Variants in FGD4 observed in about 807,000 individuals in gnomAD.
The protein encoded by FGD4 is FYVE, RhoGEF and PH domain-containing protein 4.
In FGD4, 42 loss-of-function variants were observed where a neutral mutation model predicts 102.0. The observed-to-expected ratio is 0.41, with a 90% confidence interval of 0.32 to 0.53. The LOEUF is 0.53. Ranked by LOEUF, FGD4 falls within the 20% of genes least tolerant of loss-of-function variation. FGD4 has a pLI of 0.21. For missense variants in FGD4, 902 were observed against 1,078.2 expected (o/e 0.84, Z 2.29); for synonymous variants, 380 against 375.7 (o/e 1.01, Z -0.13).
intron 1 of FGD4, among the ~76,000 whole-genome samples, chr12:32,537,141 CTCATTA>C (rs970540215): frequency 6.6e-6 from 1 of 152,134 alleles, no homozygotes; most frequent in Non-Finnish European, 1.5e-5. Context: ...ATCTCCTGAT[CTCATTA>C]TCCGCCCACC....
intron 1 of FGD4, among the ~76,000 whole-genome samples, chr12:32,537,477 A>G (rs1241734980): frequency 6.6e-6 from 1 of 152,124 alleles, no homozygotes; most frequent in Non-Finnish European, 1.5e-5. Flanking sequence ...AGGGCAGATA[A>G]TTGCCACTTC....
At chr12:32,411,711 A>T (rs1941219093) in intron 1 of FGD4, among the ~76,000 whole-genome samples, 1 of 152,166 alleles carries the variant, frequency 6.6e-6, no homozygotes, top group Non-Finnish European at 1.5e-5. Flanking sequence ...GCAGTGGCTT[A>T]CGCCTGTAAT....
chr12:32,431,405 A>G (rs921256188), intron 1 of FGD4, among the ~76,000 whole-genome samples: 2 of 152,108 alleles, frequency 1.3e-5, no homozygotes, highest in African/African-American at 4.8e-5. Context: ...TGTAATTTAT[A>G]CTTTTTTTCG....
intron 1 of FGD4, among the ~76,000 whole-genome samples, chr12:32,561,789 G>C (rs140863485): frequency 1.8e-3 from 270 of 152,264 alleles, no homozygotes; most frequent in Non-Finnish European, 3.1e-3. Context: ...ATACCAGAAA[G>C]TGAACAAACA....
At chr12:32,442,401 G>C (rs1489078003) in intron 1 of FGD4, among the ~76,000 whole-genome samples, 2 of 152,022 alleles carry the variant, frequency 1.3e-5, no homozygotes, top group Admixed American at 1.3e-4. Context: ...GTGATATGAA[G>C]TTAAAACCAG....
chr12:32,472,356 G>A (rs991795363), intron 1 of FGD4, among the ~76,000 whole-genome samples: 1 of 152,226 alleles, frequency 6.6e-6, no homozygotes, highest in Non-Finnish European at 1.5e-5. Flanking sequence ...TTCCGGGTGG[G>A]CGTGGGCTTG....
chr12:32,582,359 G>T lies in FGD4; in HGVS notation c.903G>T (p.Val301=). The change falls in exon 4 of 17, where the codon GTG becomes GTT. Residue 301 remains valine, a synonymous_variant. Coordinates refer to ENST00000534526, the MANE Select transcript of FGD4 (RefSeq NM_001370298.3). The part of the protein sequence containing the change: ...SSYRTPGIGP[V]LPLEERGAET... ...ACAGGACTCCAGGCATAGGCCCAGT[G>T]CTCCCCCTAGAAGAAAGAGGGGCAG... 1 of 1,614,164 alleles carries T rather than the reference G, an allele frequency of 6.2e-7. No individual in the cohort carries two copies. The highest frequency in any genetic ancestry group is 1.3e-5 in the African/African-American group (1 of 75,048).
At chr12:32,542,715 C>A (rs1942936806) in intron 1 of FGD4, among the ~76,000 whole-genome samples, 1 of 152,178 alleles carries the variant, frequency 6.6e-6, no homozygotes, top group Admixed American at 6.5e-5. Flanking sequence ...TTATTTCTTT[C>A]ACACTTTATG....
At chr12:32,596,177 T>C (rs1947876004) in intron 4 of FGD4, among the ~76,000 whole-genome samples, 1 of 152,202 alleles carries the variant, frequency 6.6e-6, no homozygotes, top group African/African-American at 2.4e-5. Context: ...AAGTTTTCAA[T>C]ACAAAGATTT....
At chr12:32,487,711 G>A (rs1943953088) in intron 1 of FGD4, among the ~76,000 whole-genome samples, 1 of 152,208 alleles carries the variant, frequency 6.6e-6, no homozygotes, top group Admixed American at 6.5e-5. Flanking sequence ...ACAGGCGTGA[G>A]CCACCATGCC....
intron 2 of FGD4, among the ~76,000 whole-genome samples, chr12:32,565,900 A>G (rs1250750145): frequency 6.6e-6 from 1 of 152,206 alleles, no homozygotes; most frequent in Non-Finnish European, 1.5e-5. Flanking sequence ...CTTTTTCAAA[A>G]TACTTTCAGG....
intron 1 of FGD4, among the ~76,000 whole-genome samples, chr12:32,401,174 A>T (rs1940646621): frequency 1.3e-5 from 2 of 152,174 alleles, no homozygotes; most frequent in Admixed American, 6.5e-5. Context: ...TTTGGATCGA[A>T]GGTATTTATT....
At chr12:32,496,512 C>T (rs1937828164) in intron 1 of FGD4, among the ~76,000 whole-genome samples, 1 of 152,114 alleles carries the variant, frequency 6.6e-6, no homozygotes, top group Non-Finnish European at 1.5e-5. Context: ...AAAGGGGTAG[C>T]ATATGCTTTT....
chr12:32,474,790 A>C (rs1943544601), intron 1 of FGD4, among the ~76,000 whole-genome samples: 1 of 152,148 alleles, frequency 6.6e-6, no homozygotes, highest in Non-Finnish European at 1.5e-5. Flanking sequence ...CTGTAGTCCC[A>C]GCTACTCGGA....
In FGD4 at chr12:32,576,373, C is replaced by T; in HGVS notation, c.427C>T (p.Pro143Ser). ...AAAACCAAGGATGGAGGAAATTAAA[C>T]CTGCCTCTGCTTCTTGTGTCTCAAA... ...SAKPRMEEIK[P>S]ASASCVSKEK... The change falls in exon 3 of 17, where the codon CCT becomes TCT. Residue 143 changes from proline to serine, a missense_variant. Pro to Ser is a moderately conservative substitution (Grantham distance 74, BLOSUM62 -1). Coordinates refer to ENST00000534526, the MANE Select transcript of FGD4 (RefSeq NM_001370298.3). The T allele has an allele frequency of 6.2e-7, 1 of 1,614,124 alleles. No homozygotes were observed. The highest frequency in any genetic ancestry group is 1.1e-5 in the South Asian group (1 of 91,080).
At chr12:32,534,346 GCAGATCCTGTGTAATCTT>G (rs957391172) in intron 1 of FGD4, 63 of 1,438,794 alleles carry the variant, frequency 4.4e-5, no homozygotes, top group Non-Finnish European at 5.5e-5. Context: ...TGAGCTCCTG[GCAGATCCTGTGTAATCTT>G]CAGCCTCCCT....
intron 1 of FGD4, among the ~76,000 whole-genome samples, chr12:32,467,990 T>G (rs1320705805): frequency 6.6e-6 from 1 of 152,162 alleles, no homozygotes; most frequent in Non-Finnish European, 1.5e-5. Flanking sequence ...CACTCCAGGC[T>G]GGGCAACAGA....
intron 1 of FGD4, among the ~76,000 whole-genome samples, chr12:32,535,445 G>C (rs1942165327): frequency 6.6e-6 from 1 of 152,108 alleles, no homozygotes; most frequent in African/African-American, 2.4e-5. Context: ...CACTCCTGCA[G>C]CTGCACAGCT....
chr12:32,592,845 A>G (rs1367062548), intron 4 of FGD4, among the ~76,000 whole-genome samples: 2 of 152,212 alleles, frequency 1.3e-5, no homozygotes, highest in African/African-American at 4.8e-5. Flanking sequence ...TATCTCTTTA[A>G]TAGAATTTAT....
Sources: gnomAD v4.1 joint callset for allele counts (sites outside exome capture counted in the v4.1 genomes callset) on GRCh38, gnomAD v4.1.1 for gene constraint, MANE v1.5 for transcripts, NCBI Gene and HGNC (gene_info 2026-07-23, HGNC 2026-07-21) for gene names.